Variants in PELI2 observed in about 807,000 individuals in gnomAD.
PELI2 encodes E3 ubiquitin-protein ligase pellino homolog 2.
Under a neutral mutation model 42.3 loss-of-function variants are expected in PELI2, and 23 were observed. The observed-to-expected ratio is 0.54, with a 90% confidence interval of 0.39 to 0.77. The LOEUF (loss-of-function observed/expected upper bound fraction) is 0.77. PELI2 is among the 30% of genes least tolerant of loss of function. The pLI, the probability that PELI2 is intolerant of heterozygous loss-of-function variation, is 0.00. For synonymous variants in PELI2, 245 were observed against 212.2 expected, an observed-to-expected ratio of 1.15 and a Z score of -1.34; for missense variants, 463 against 553.2, an observed-to-expected ratio of 0.84 and a Z score of 1.64.
chr14:56,296,495 C>A, intron 5 of PELI2, 105 bp from the exon 6 acceptor site: 1 of 752,516 alleles, frequency 1.3e-6, no homozygotes, highest in East Asian at 2.6e-5. Context: ...AATTGCTTCC[C>A]TGTGTTATCT....
intron 1 of PELI2, among the ~76,000 whole-genome samples, chr14:56,151,495 G>GCTTCAATGCA (rs1884352244): frequency 2.6e-5 from 4 of 152,148 alleles, no homozygotes; most frequent in Admixed American, 6.5e-5. Context: ...TGCATTGTGT[G>GCTTCAATGCA]ACCTTAATAA....
chr14:56,221,690 T>G (rs1055853748), intron 2 of PELI2, among the ~76,000 whole-genome samples: 2 of 152,250 alleles, frequency 1.3e-5, no homozygotes, highest in African/African-American at 4.8e-5. Flanking sequence ...ACGGAAACCT[T>G]CAGCTGTCTG....
chr14:56,132,521 C>T (rs767962068), intron 1 of PELI2, among the ~76,000 whole-genome samples: 6 of 152,118 alleles, frequency 3.9e-5, no homozygotes, highest in Non-Finnish European at 7.4e-5. Flanking sequence ...GCTGGAGTCA[C>T]CCCCGCCCTG....
chr14:56,269,359 CT>C (rs1889019222), intron 2 of PELI2, among the ~76,000 whole-genome samples: 1 of 152,038 alleles, frequency 6.6e-6, no homozygotes, highest in South Asian at 2.1e-4. Context: ...AGGAGAATTG[CT>C]TGAGCCTGGG....
At chr14:56,154,972 T>A in intron 1 of PELI2, among the ~76,000 whole-genome samples, 1 of 152,372 alleles carries the variant, frequency 6.6e-6, no homozygotes. Context: ...TTTTGATTAC[T>A]AATTGGATTT....
intron 2 of PELI2, among the ~76,000 whole-genome samples, chr14:56,246,231 A>T (rs939853473): frequency 6.6e-6 from 1 of 152,182 alleles, no homozygotes; most frequent in African/African-American, 2.4e-5. Context: ...TAACAACTCC[A>T]TTACTGGGCA....
intron 2 of PELI2, among the ~76,000 whole-genome samples, chr14:56,190,106 A>AAT (rs1284882943): frequency 1.3e-5 from 2 of 152,178 alleles, no homozygotes; most frequent in Admixed American, 6.5e-5. Context: ...GTTTCATATG[A>AAT]ATAGTTATAT....
At chr14:56,238,926 A>C (rs1210903721) in intron 2 of PELI2, among the ~76,000 whole-genome samples, 1 of 152,234 alleles carries the variant, frequency 6.6e-6, no homozygotes, top group Non-Finnish European at 1.5e-5. Context: ...AACAGGTAGG[A>C]AGGTAGCTGA....
chr14:56,255,088 A>T (rs1888480344), intron 2 of PELI2, among the ~76,000 whole-genome samples: 1 of 152,202 alleles, frequency 6.6e-6, no homozygotes. Flanking sequence ...CAATTCCTCA[A>T]GGATCTAGAA....
At chr14:56,222,963 A>G (rs1287221113) in intron 2 of PELI2, among the ~76,000 whole-genome samples, 1 of 152,224 alleles carries the variant, frequency 6.6e-6, no homozygotes, top group East Asian at 1.9e-4. Context: ...ACAGGACAAA[A>G]TGATACCTTG....
chr14:56,176,278 G>C (rs1187152912), intron 1 of PELI2, among the ~76,000 whole-genome samples: 1 of 152,204 alleles, frequency 6.6e-6, no homozygotes, highest in Non-Finnish European at 1.5e-5. Context: ...GGAGTCTATA[G>C]TTGAGGCAAG....
At chr14:56,223,767 A>G (rs1887238603) in intron 2 of PELI2, among the ~76,000 whole-genome samples, 1 of 152,234 alleles carries the variant, frequency 6.6e-6, no homozygotes, top group Non-Finnish European at 1.5e-5. Context: ...CAGAAGGGCA[A>G]AATAAGTCAC....
At chr14:56,223,887 T>C (rs970766685) in intron 2 of PELI2, among the ~76,000 whole-genome samples, 3 of 152,222 alleles carry the variant, frequency 2.0e-5, no homozygotes, top group Non-Finnish European at 2.9e-5. Context: ...CCAGTTCGTG[T>C]CATATAATAC....
chr14:56,214,264 T>G (rs1886817331), intron 2 of PELI2, among the ~76,000 whole-genome samples: 1 of 151,930 alleles, frequency 6.6e-6, no homozygotes, highest in Admixed American at 6.6e-5. Flanking sequence ...GAGGGAAGGT[T>G]GATGGGGGAG....
At chr14:56,151,241 C>T (rs563261832) in intron 1 of PELI2, among the ~76,000 whole-genome samples, 52 of 152,268 alleles carry the variant, frequency 3.4e-4, no homozygotes, top group Admixed American at 9.2e-4. Context: ...TCTTATTGCT[C>T]CCTCCCTCGG....
At chr14:56,148,780 G>T (rs553395008) in intron 1 of PELI2, among the ~76,000 whole-genome samples, 1 of 152,284 alleles carries the variant, frequency 6.6e-6, no homozygotes, top group Non-Finnish European at 1.5e-5. Flanking sequence ...TGTTCTCCTG[G>T]TAGCAGGGAC....
In PELI2 at chr14:56,290,349, G is replaced by A. The variant is rs773362234; in HGVS notation, c.589G>A (p.Gly197Arg). The change falls in exon 5 of 6, where the codon GGG (glycine) becomes AGG (arginine). Residue 197 changes from glycine to arginine, a missense_variant. Physicochemically the swap from Gly to Arg is moderately radical, Grantham distance 125. This residue lies in a region of PELI2 where 343 missense variants were observed against 378.4 expected (regional missense o/e 0.91). Coordinates refer to ENST00000267460, the MANE Select transcript of PELI2 (RefSeq NM_021255.3). ...TGGCGTCCTGGTGATGCATCCACGA[G>A]GGGGCTTCACCGAGGAGTCCCAGCC... ...TNGVLVMHPR[G>R]GFTEESQPGV... The A allele has an allele frequency of 6.2e-7, 1 of 1,613,654 alleles. No individual in the cohort carries two copies. The highest frequency in any genetic ancestry group is 8.5e-7 in the Non-Finnish European group (1 of 1,179,670).
intron 1 of PELI2, among the ~76,000 whole-genome samples, chr14:56,155,773 C>T (rs1357034108): frequency 5.3e-5 from 8 of 151,774 alleles, no homozygotes; most frequent in East Asian, 1.9e-4. Context: ...TTAGTAGAGA[C>T]GGGGTTTCAT....
At chr14:56,133,376 G>T (rs916378586) in intron 1 of PELI2, among the ~76,000 whole-genome samples, 7 of 152,200 alleles carry the variant, frequency 4.6e-5, no homozygotes, top group African/African-American at 1.7e-4. Flanking sequence ...TAAGGTCTCT[G>T]TATGTTTTAA....
Sources: gnomAD v4.1 joint callset for allele counts (sites outside exome capture counted in the v4.1 genomes callset) on GRCh38, gnomAD v4.1.1 for gene constraint, gnomAD v4.1.1 regional missense constraint, MANE v1.5 for transcripts, NCBI Gene and HGNC (gene_info 2026-07-23, HGNC 2026-07-21) for gene names.